Variants in RTN4 observed in about 807,000 individuals in gnomAD.
The protein encoded by RTN4 is reticulon-4.
RTN4 carries 32 observed loss-of-function variants against 90.4 expected under a neutral mutation model. That is an observed-to-expected ratio of 0.35 (90% CI 0.27 to 0.48). The LOEUF is 0.48. Ranked by LOEUF, RTN4 falls within the 20% of genes least tolerant of loss-of-function variation. RTN4 has a pLI of 0.99. For missense variants in RTN4, 1,706 were observed against 1,430.2 expected, an observed-to-expected ratio of 1.19 and a Z score of -3.11; for synonymous variants, 629 against 552.5, an observed-to-expected ratio of 1.14 and a Z score of -1.94.
At chr2:55,131,705 G>A in the RTN4 span, among the ~76,000 whole-genome samples, 3 of 151,926 alleles carry the variant, frequency 2.0e-5, no homozygotes, top group Non-Finnish European at 2.9e-5. Context: ...CCAACAAGGT[G>A]AAACCCTGTC....
chr2:55,131,743 G>A, the RTN4 span, among the ~76,000 whole-genome samples: 1 of 152,024 alleles, frequency 6.6e-6, no homozygotes, highest in Non-Finnish European at 1.5e-5. Flanking sequence ...AATTAGCCGG[G>A]CGTGGTGGTG....
intron 2 of RTN4, among the ~76,000 whole-genome samples, chr2:55,066,408 A>G (rs1359682310): frequency 6.6e-6 from 1 of 152,048 alleles, no homozygotes; most frequent in East Asian, 1.9e-4. Context: ...AATTTAGCCT[A>G]ATTTGGCTGG....
intron 2 of RTN4, among the ~76,000 whole-genome samples, chr2:55,077,498 AC>A (rs1393046505): frequency 6.6e-6 from 1 of 152,188 alleles, no homozygotes; most frequent in East Asian, 1.9e-4. Flanking sequence ...TGAAAAGGAA[AC>A]ACTTTTACAT....
At chr2:55,042,180 T>C (rs1683123877) in intron 1 of RTN4, among the ~76,000 whole-genome samples, 1 of 152,090 alleles carries the variant, frequency 6.6e-6, no homozygotes. Context: ...CCTTAACAGG[T>C]TGGTGGGAAT....
chr2:55,045,328 AAACT>A (rs1380790862), intron 1 of RTN4, among the ~76,000 whole-genome samples: 1 of 152,212 alleles, frequency 6.6e-6, no homozygotes, highest in African/African-American at 2.4e-5. Context: ...GCCTCTTCGT[AAACT>A]AACTATAAAA....
chr2:54,972,583 A>C lies in RTN4; in HGVS notation c.*573T>G, dbSNP rs1021040142. Reference sequence around the variant, plus strand: ...TGGGGTGGCTGGAAGGTAAAGGTCTAAGCTTTGTGAAACACTATACATATA... The same window carrying C: ...TGGGGTGGCTGGAAGGTAAAGGTCTCAGCTTTGTGAAACACTATACATATA... On this transcript the variant is annotated 3_prime_UTR_variant, in exon 9 of 9. Coordinates refer to ENST00000337526, the MANE Select transcript of RTN4 (RefSeq NM_020532.5). 6.5e-6 allele frequency: 1 copy of C among 152,686 alleles called. No individual in the cohort carries two copies. The highest frequency in any genetic ancestry group is 2.4e-5 in the African/African-American group (1 of 41,466). The allele number at this position is 152,686 out of a possible 1,614,324, so 9.5% of individuals were successfully genotyped here. A position where few individuals can be genotyped will look rare whatever the true frequency, so the allele number is the denominator to read the frequency against.
intron 2 of RTN4, among the ~76,000 whole-genome samples, chr2:55,070,748 T>TTGTTG (rs1553450021): frequency 4.7e-5 from 7 of 149,416 alleles, no homozygotes; most frequent in South Asian, 2.1e-4. Context: ...TGTTTTGATT[T>TTGTTG]TTGTTGTTGT....
At chr2:55,126,514 A>G in the RTN4 span, among the ~76,000 whole-genome samples, 2 of 152,368 alleles carry the variant, frequency 1.3e-5, no homozygotes, top group Non-Finnish European at 2.9e-5. Context: ...ATCACTAAAA[A>G]GTTAAAAACT....
chr2:55,050,460 T>C (rs1668045871), upstream of RTN4: 2 of 411,366 alleles, frequency 4.9e-6, no homozygotes, highest in African/African-American at 4.1e-5. This position sits in a 1 kb window ranked among gnomAD's most constrained non-coding sequence, Gnocchi z 4.6. Flanking sequence ...ATGAGACTGC[T>C]CCTCCTGCCT....
rs749298792 is a variant in RTN4, at chr2:55,025,853, C to A, written c.2246G>T (p.Ser749Ile). 3 of 1,613,646 alleles carry A rather than the reference C, an allele frequency of 1.9e-6. No homozygotes were observed. The highest frequency in any genetic ancestry group is 2.7e-5 in the African/African-American group (2 of 74,884). Residue 749 changes from serine to isoleucine, a missense_variant, in exon 3 of 9, where the codon AGT (serine) becomes ATT (isoleucine). By Grantham distance (142) the Ser-to-Ile change is moderately radical. Coordinates refer to ENST00000337526, the MANE Select transcript of RTN4 (RefSeq NM_020532.5). The stretch of plus-strand genomic sequence containing the variant: ...TGGAACGTCAGGTATTGAATCATCA[C>A]TAAATAAGTCAACTGGTTCAGAATC... Reference protein sequence around the residue: ...SPDSEPVDLFSDDSIPDVPQK... With the variant: ...SPDSEPVDLFIDDSIPDVPQK...
chr2:55,046,127 G>A (rs1050802042), intron 1 of RTN4, among the ~76,000 whole-genome samples: 1 of 152,152 alleles, frequency 6.6e-6, no homozygotes, highest in Non-Finnish European at 1.5e-5. Context: ...AAGTGTCAGT[G>A]ATCTAGAAAC....
intron 1 of RTN4, among the ~76,000 whole-genome samples, chr2:55,043,083 G>GA (rs1683182372): frequency 6.6e-6 from 1 of 152,290 alleles, no homozygotes; most frequent in Admixed American, 6.5e-5. Flanking sequence ...ATTAGTCTGA[G>GA]AAAATCTTAG....
Position 55,049,914 on chromosome 2 carries a change from C to A in RTN4, c.387G>T (p.Ser129=). ...CGTCGTCCTCAGGGAGCTTGGAGGG[C>A]GAGACTGCGGCAGCAGACAGCGGGG... ...APSPLSAAAV[S]PSKLPEDDEP... is the part of the protein sequence containing the mutation. The change falls in exon 1 of 9, where the codon TCG becomes TCT. Residue 129 remains serine, a synonymous_variant. Transcript: ENST00000337526. The A allele has an allele frequency of 7.5e-7, 1 of 1,333,844 alleles. No homozygotes were observed. The highest frequency in any genetic ancestry group is 1.9e-5 in the South Asian group (1 of 51,606). The allele number at this position is 1,333,844 out of a possible 1,614,324, so 82.6% of individuals were successfully genotyped here.
Position 55,050,291 on chromosome 2 carries a change from G to A in RTN4, c.10C>T (p.Leu4=). 6.9e-7 allele frequency: 1 copy of A among 1,444,864 alleles called. No individual in the cohort carries two copies. The highest frequency in any genetic ancestry group is 9.1e-7 in the Non-Finnish European group (1 of 1,098,660). 89.5% of individuals were successfully genotyped at this position (1,444,864 alleles called of 1,614,324 possible). MED[L]DQSPLVSSSD... ...GACGAGACCAGAGGAGACTGGTCCA[G>A]GTCTTCCATGGCTGGAGGGTGGAGA... is the stretch of plus-strand genomic sequence containing the variant. The change falls in exon 1 of 9, where the codon CTG becomes TTG. Residue 4 remains leucine (L), a synonymous_variant. Coordinates refer to ENST00000337526, the MANE Select transcript of RTN4 (RefSeq NM_020532.5). The surrounding 1 kb of genome is among the most constrained non-coding windows in gnomAD (Gnocchi z 4.6).
chr2:55,114,763 C>G (rs1169818982), upstream of RTN4, among the ~76,000 whole-genome samples: 1 of 152,236 alleles, frequency 6.6e-6, no homozygotes, highest in South Asian at 2.1e-4. Flanking sequence ...ACCTGTTCTC[C>G]AGACTGCCTT....
intron 2 of RTN4, among the ~76,000 whole-genome samples, chr2:55,063,864 G>T (rs1668345416): frequency 6.6e-6 from 1 of 150,960 alleles, no homozygotes; most frequent in Non-Finnish European, 1.5e-5. Context: ...TGGGCAACAG[G>T]GGGAGACAGT....
chr2:55,112,576 G>C (rs1668057156), exon 1 of RTN4: 1 of 152,254 alleles, frequency 6.6e-6, no homozygotes. Context: ...AGCGAGCCTG[G>C]AGCCGGGCTG....
chr2:55,037,550 C>G (rs1478643802), intron 1 of RTN4, among the ~76,000 whole-genome samples: 1 of 152,206 alleles, frequency 6.6e-6, no homozygotes, highest in Admixed American at 6.5e-5. Context: ...GCTGAGGGAA[C>G]TGGCACAAGA....
intron 1 of RTN4, among the ~76,000 whole-genome samples, chr2:55,110,582 CT>C (rs1157189346): frequency 6.6e-6 from 1 of 152,136 alleles, no homozygotes; most frequent in Admixed American, 6.6e-5. Flanking sequence ...TTCCTGGTTA[CT>C]TATCAATAAT....
Sources: gnomAD v4.1 joint callset for allele counts (sites outside exome capture counted in the v4.1 genomes callset) on GRCh38, gnomAD v4.1.1 for gene constraint, Gnocchi (gnomAD v3.1) non-coding constraint, MANE v1.5 for transcripts, NCBI Gene and HGNC (gene_info 2026-07-23, HGNC 2026-07-21) for gene names.